Variants in TEP1 observed in about 807,000 individuals in gnomAD.
TEP1 encodes the protein telomerase associated protein 1, also known as telomerase protein component 1.
TEP1 carries 241 observed loss-of-function variants against 306.3 expected under a neutral mutation model. The ratio of observed to expected loss-of-function variants is 0.79; its 90% CI spans 0.71 to 0.88. The LOEUF is 0.88. Ranked by LOEUF, TEP1 falls within the 40% of genes least tolerant of loss-of-function variation. The pLI, the probability that TEP1 is intolerant of heterozygous loss-of-function variation, is 0.00. For missense variants in TEP1, 3,051 were observed against 3,276.1 expected (o/e 0.93, Z 1.68); for synonymous variants, 1,289 against 1,305.5 (o/e 0.99, Z 0.27).
chr14:20,408,154 C>T lies in TEP1; in HGVS notation c.286G>A (p.Gly96Arg), dbSNP rs1879347722. The change falls in exon 2 of 55, where the codon GGA becomes AGA. Residue 96 changes from glycine (G) to arginine (R), a missense_variant. Transcript: ENST00000262715. ...SDLKTMEKPH[G>R]HVSAHPDILS... ...ATGTCTGGGTGGGCAGAAACATGTC[C>T]ATGTGGTTTCTCCATGGTCTTCAGG... 6.2e-7 allele frequency: 1 copy of T among 1,610,392 alleles called. No homozygotes were observed. The highest frequency in any genetic ancestry group is 2.3e-5 in the East Asian group (1 of 44,276).
chr14:20,399,632 TAAAAAA>T (rs71416944), intron 9 of TEP1, among the ~76,000 whole-genome samples: 1 of 78,612 alleles, frequency 1.3e-5, no homozygotes, highest in Non-Finnish European at 2.3e-5. Flanking sequence ...CCCTGTTTCT[TAAAAAA>T]AAAAAAAAAA....
Position 20,382,052 on chromosome 14 carries a change from CCA to C in TEP1, c.4283_4284del (p.Val1428GlyfsTer18). On this transcript the variant is annotated frameshift_variant, in exon 30 of 55. Transcript: ENST00000262715. LOFTEE classifies it high-confidence loss of function. Reference protein sequence around the residue: ...ALEVTRSGLTVDQLHGVLSVW... With the variant: ...ALEVTRSGLTXDQLHGVLSVW... ...ACACTCAGCACTCCGTGCAGCTGGT[CCA>C]CAGTCAAACCTGAAAACTCAAGCTC... The C allele has an allele frequency of 6.2e-7, 1 of 1,614,130 alleles. No homozygotes were observed. The highest frequency in any genetic ancestry group is 8.5e-7 in the Non-Finnish European group (1 of 1,180,024).
chr14:20,385,665 A>ACCTGG (rs1323438779), intron 20 of TEP1, among the ~76,000 whole-genome samples: 10 of 152,332 alleles, frequency 6.6e-5, no homozygotes, highest in Admixed American at 2.0e-4. Context: ...GAGCCACTGC[A>ACCTGG]CCTGGCCCTG....
In TEP1 at chr14:20,381,883, T is replaced by C; in HGVS notation, c.4424+30A>G. ...TCAAAGAAGGGAAGGCACAGAGAGGTCAGCGGGAGCTCTGCTGGGGCACCT... is the reference window on the plus strand; with the variant it reads ...TCAAAGAAGGGAAGGCACAGAGAGGCCAGCGGGAGCTCTGCTGGGGCACCT... On this transcript the variant is annotated intron_variant, in intron 30 of 54. Coordinates refer to ENST00000262715, the MANE Select transcript of TEP1 (RefSeq NM_007110.5). The surrounding 1 kb of genome is among the most constrained non-coding windows in gnomAD (Gnocchi z 4.0). 1 of 1,610,528 alleles carries C rather than the reference T, an allele frequency of 6.2e-7. No individual in the cohort carries two copies. The highest frequency in any genetic ancestry group is 2.2e-5 in the East Asian group (1 of 44,860).
At chr14:20,386,769 C>T in intron 18 of TEP1, 146 bp from the exon 19 acceptor site, 1 of 862,402 alleles carries the variant, frequency 1.2e-6, no homozygotes, top group Non-Finnish European at 1.6e-6. Flanking sequence ...CAGAGAAGCA[C>T]CTGCTAGTGG....
Position 20,383,808 on chromosome 14 carries a change from G to A in TEP1, c.3645C>T (p.Leu1215=). Residue 1215 remains leucine (L), a synonymous_variant, in exon 25 of 55, where the codon CTC becomes CTT. Transcript: ENST00000262715. ...RPDQGLALTL[L]RRLCTYLRGQ... Reference sequence around the variant, plus strand: ...CACGCAGATAGGTACAGAGGCGTCTGAGCAGAGTGAGGGCAAGACCCTGGT... The same window carrying A: ...CACGCAGATAGGTACAGAGGCGTCTAAGCAGAGTGAGGGCAAGACCCTGGT... 4 of 1,609,840 alleles carry A rather than the reference G, an allele frequency of 2.5e-6. No individual in the cohort carries two copies. Among genetic ancestry groups the A allele is most frequent in the Non-Finnish European group, 3.4e-6 (4 of 1,179,292 alleles).
At position 20,381,670 on chromosome 14, in the gene TEP1, G is replaced by A. The variant is rs1876545228; in HGVS notation, c.4441C>T (p.Pro1481Ser). 1 of 1,607,328 alleles carries A rather than the reference G, an allele frequency of 6.2e-7. No homozygotes were observed. Among genetic ancestry groups the A allele is most frequent in the Middle Eastern group, 1.7e-4 (1 of 6,036 alleles). ...AGCCGGGCACCAGGGCGCTCCAGAG[G>A]GCCCTCCCCTAGCAAACTGTCCTCG... ...QSLRSLLGEG[P>S]LERPGARLCL... The change falls in exon 31 of 55, where the codon CCT (proline) becomes TCT (serine). Residue 1481 changes from proline to serine, a missense_variant. By Grantham distance (74) the Pro-to-Ser change is moderately conservative. Coordinates refer to ENST00000262715, the MANE Select transcript of TEP1 (RefSeq NM_007110.5). The surrounding 1 kb of genome is among the most constrained non-coding windows in gnomAD (Gnocchi z 4.0).
At chr14:20,405,706 G>T in intron 3 of TEP1, 121 bp from the exon 4 acceptor site, 2 of 1,192,036 alleles carry the variant, frequency 1.7e-6, no homozygotes, top group Non-Finnish European at 2.3e-6. Flanking sequence ...GTGGAGTCCA[G>T]TTGAGAACTT....
Position 20,407,882 on chromosome 14 carries a change from T to C in TEP1, c.558A>G (p.Glu186=). The C allele has an allele frequency of 6.3e-7, 1 of 1,594,404 alleles. No homozygotes were observed. Residue 186 remains glutamate (E), a synonymous_variant, in exon 2 of 55, where the codon GAA becomes GAG. Transcript: ENST00000262715. ...TGCCTGGAGCTATTACCAAAGTTGC[T>C]TCCTGAGCTGTCTCTGTGGCAGAGA... ...KSISATETAQ[E]ATLGRWFDSE... is the part of the protein sequence containing the mutation.
intron 2 of TEP1, among the ~76,000 whole-genome samples, chr14:20,406,622 G>A (rs1051789427): frequency 6.6e-6 from 1 of 152,188 alleles, no homozygotes; most frequent in African/African-American, 2.4e-5. Flanking sequence ...TCGCCCACAT[G>A]CTTCATGATC....
chr14:20,379,832 A>G (rs1030991194), intron 35 of TEP1, 98 bp downstream of exon 35: 1 of 1,466,032 alleles, frequency 6.8e-7, no homozygotes, highest in Admixed American at 2.5e-5. Flanking sequence ...TGCTGAATTA[A>G]TCAGAGTGAT....
chr14:20,383,729 TG>T lies in TEP1; in HGVS notation c.3710+13del. On this transcript the variant is annotated intron_variant, in intron 25 of 54. Coordinates refer to ENST00000262715, the MANE Select transcript of TEP1 (RefSeq NM_007110.5). ...TGGGCATCAACAAGGCTGGGCTCATTGGGGGATACCCACCGGTAGGTGCTGG... is the reference window on the plus strand; with the variant it reads ...TGGGCATCAACAAGGCTGGGCTCATTGGGGATACCCACCGGTAGGTGCTGG... 6.2e-7 allele frequency: 1 copy of T among 1,610,202 alleles called. No individual in the cohort carries two copies.
In TEP1 at chr14:20,406,338, C is replaced by T; in HGVS notation, c.630G>A (p.Leu210=). 1 of 1,614,192 alleles carries T rather than the reference C, an allele frequency of 6.2e-7. No homozygotes were observed. Among genetic ancestry groups the T allele is most frequent in the Non-Finnish European group, 8.5e-7 (1 of 1,180,036 alleles). ...GAETQMPSYS[L]SLGEEEEVED... ...CCACCTCCTCCTCCTCTCCCAAGCT[C>T]AGACTATAAGAAGGCATTTGGGTCT... Residue 210 remains leucine, a synonymous_variant, in exon 3 of 55, where the codon CTG becomes CTA. Coordinates refer to ENST00000262715, the MANE Select transcript of TEP1 (RefSeq NM_007110.5).
chr14:20,380,608 C>A, intron 33 of TEP1, 133 bp from the exon 34 acceptor site: 1 of 1,371,852 alleles, frequency 7.3e-7, no homozygotes, highest in Non-Finnish European at 9.6e-7. Flanking sequence ...TCAGGAATAT[C>A]TCTTAAAAGT....
rs1884601855 is a variant in TEP1, at chr14:20,368,454, A to G, written c.7867T>C (p.Phe2623Leu). The G allele has an allele frequency of 6.2e-7, 1 of 1,614,162 alleles. No homozygotes were observed. The highest frequency in any genetic ancestry group is 8.5e-7 in the Non-Finnish European group (1 of 1,180,018). Residue 2623 changes from phenylalanine to leucine, a missense_variant, in exon 55 of 55, where the codon TTT becomes CTT. Phe to Leu is a conservative substitution (Grantham distance 22). Coordinates refer to ENST00000262715, the MANE Select transcript of TEP1 (RefSeq NM_007110.5). Reference sequence around the variant, plus strand: ...GCACATCTTCATTCCCAATTCAGAAAGTACACATTGCCCTGCACGTCTCCC... The same window carrying G: ...GCACATCTTCATTCCCAATTCAGAAGGTACACATTGCCCTGCACGTCTCCC... ...AVGDVQGNVY[F>L]LNWE
At position 20,377,654 on chromosome 14, in the gene TEP1, G is replaced by A. The variant is rs374311707; in HGVS notation, c.5821C>T (p.Arg1941Trp). 11 of 1,613,986 alleles carry A rather than the reference G, an allele frequency of 6.8e-6. No individual in the cohort carries two copies. The highest frequency in any genetic ancestry group is 3.3e-5 in the South Asian group (3 of 91,086). The change falls in exon 40 of 55, where the codon CGG becomes TGG. Residue 1941 changes from arginine (R) to tryptophan (W), a missense_variant. By Grantham distance (101) the Arg-to-Trp change is moderately radical. Transcript: ENST00000262715. ...LSVALSPDGDRVAVGYRADGI... is the reference protein window; with the variant it reads ...LSVALSPDGDWVAVGYRADGI... ...TCCGCTCGATATCCAACAGCCACCC[G>A]ATCACCATCTGGGCTGAGTGCCACA...
rs755732479 is a variant in TEP1, at chr14:20,408,283, C to G, written c.157G>C (p.Ala53Pro). The change falls in exon 2 of 55, where the codon GCC becomes CCC. Residue 53 changes from alanine to proline, a missense_variant. This residue lies in a region of TEP1 where 1,507 missense variants were observed against 1,550.5 expected (regional missense o/e 0.97). Transcript: ENST00000262715. The stretch of plus-strand genomic sequence containing the variant: ...ATGGTCTTCAGGTCAGGAAGCGTGG[C>G]TAGGCACTGGTTCTTCAAGGAGAGG... Reference protein sequence around the residue: ...DILSLKNQCLATLPDLKTMEK... With the variant: ...DILSLKNQCLPTLPDLKTMEK... The G allele has an allele frequency of 2.4e-5, 39 of 1,613,516 alleles. 1 individual carries two copies. The South Asian group carries it at 4.1e-4, about 17-fold the overall frequency.
At position 20,405,537 on chromosome 14, in the gene TEP1, T is replaced by C. The variant is rs1249364999; in HGVS notation, c.784A>G (p.Met262Val). The C allele has an allele frequency of 6.2e-7, 1 of 1,614,056 alleles. No homozygotes were observed. Among genetic ancestry groups the C allele is most frequent in the Non-Finnish European group, 8.5e-7 (1 of 1,180,042 alleles). The change falls in exon 4 of 55, where the codon ATG becomes GTG. Residue 262 changes from methionine to valine, a missense_variant. Physicochemically the swap from Met to Val is conservative, Grantham distance 21. Coordinates refer to ENST00000262715, the MANE Select transcript of TEP1 (RefSeq NM_007110.5). ...AGGGTGGGGTCAGATGTATTGTTCATGTTTACTTCTGAGACCAGAGTAGAG... is the reference window on the plus strand; with the variant it reads ...AGGGTGGGGTCAGATGTATTGTTCACGTTTACTTCTGAGACCAGAGTAGAG... ...LCSTLVSEVN[M>V]NNTSDPTLAA...
chr14:20,385,574 T>G (rs915207669), intron 20 of TEP1, among the ~76,000 whole-genome samples: 1 of 152,190 alleles, frequency 6.6e-6, no homozygotes, highest in Non-Finnish European at 1.5e-5. Context: ...GGTTTCACCA[T>G]GTTGGCCAGG....
Sources: allele counts gnomAD v4.1 joint callset (sites outside exome capture counted in the v4.1 genomes callset), GRCh38; gene constraint gnomAD v4.1.1; regional missense constraint gnomAD v4.1.1; non-coding constraint Gnocchi (gnomAD v3.1); transcripts MANE v1.5; gene names NCBI Gene and HGNC (gene_info 2026-07-23, HGNC 2026-07-21).